The following SLC12A7 variants were observed in gnomAD, a reference collection of about 807,000 sequenced individuals.
SLC12A7 encodes the protein K-Cl cotransporter 4.
Under a neutral mutation model 120.6 loss-of-function variants are expected in SLC12A7, and 100 were observed. The observed-to-expected ratio is 0.83, with a 90% CI of 0.71 to 0.98. The LOEUF is 0.98. SLC12A7 is among the 50% of genes least tolerant of loss of function. The pLI, the probability that SLC12A7 is intolerant of heterozygous loss-of-function variation, is 0.00. For missense variants in SLC12A7, 1,373 were observed against 1,548.1 expected, an observed-to-expected ratio of 0.89 and a Z score of 1.90; for synonymous variants, 760 against 678.0, an observed-to-expected ratio of 1.12 and a Z score of -1.88.
At chr5:1,082,022 G>C (rs1739184887) in intron 8 of SLC12A7, among the ~76,000 whole-genome samples, 1 of 107,500 alleles carries the variant, frequency 9.3e-6, no homozygotes, top group South Asian at 2.6e-4. Flanking sequence ...TCGGGTTCTG[G>C]AAAGTCCAGG....
intron 9 of SLC12A7, among the ~76,000 whole-genome samples, chr5:1,081,032 A>G (rs1337271424): frequency 3.3e-5 from 5 of 150,018 alleles, no homozygotes; most frequent in Admixed American, 1.3e-4. Flanking sequence ...AGAGAGAGAG[A>G]GAGGGAGGGA....
chr5:1,108,537 G>A (rs909019699), intron 1 of SLC12A7, among the ~76,000 whole-genome samples: 31 of 152,274 alleles, frequency 2.0e-4, no homozygotes, highest in Admixed American at 9.8e-4. Context: ...TCCCATGTCC[G>A]TGTCGGGAAC....
In SLC12A7 at chr5:1,051,254, C is replaced by T. The variant is rs1353027420; in HGVS notation, c.*1106G>A. ...AGGGGACGCCCGGGACTCAGCCAGA[C>T]AGACCTGACACCAGGCGCCACTGCT... On this transcript the variant is annotated 3_prime_UTR_variant, in exon 24 of 24. Coordinates refer to ENST00000264930, the MANE Select transcript of SLC12A7 (RefSeq NM_006598.3). 1.2e-5 allele frequency: 3 copies of T among 255,456 alleles called. No individual in the cohort carries two copies. 15.8% of individuals were successfully genotyped at this position (255,456 alleles called of 1,614,324 possible). A position where few individuals can be genotyped will look rare whatever the true frequency, so the allele number is the denominator to read the frequency against.
At chr5:1,101,026 C>A (rs972604647) in intron 1 of SLC12A7, among the ~76,000 whole-genome samples, 8 of 152,156 alleles carry the variant, frequency 5.3e-5, no homozygotes, top group Non-Finnish European at 5.9e-5. Flanking sequence ...CAGCTGTGTG[C>A]GCTGCCCTCC....
At chr5:1,123,804 A>G in the SLC12A7 span, among the ~76,000 whole-genome samples, 1 of 152,250 alleles carries the variant, frequency 6.6e-6, no homozygotes, top group Admixed American at 6.5e-5. Flanking sequence ...AACTGAACCC[A>G]AATCCACCTC....
At chr5:1,074,446 G>A (rs1342137465) in intron 16 of SLC12A7, 121 bp downstream of exon 16, 17 of 896,908 alleles carry the variant, frequency 1.9e-5, no homozygotes, top group African/African-American at 6.7e-5. Flanking sequence ...TCACACCCCA[G>A]ACCTTGCCTG....
chr5:1,097,112 C>T lies in SLC12A7; in HGVS notation c.125-2864G>A, dbSNP rs941094373. Among the ~76,000 whole-genome samples, 94 of 152,174 alleles carry T rather than the reference C, an allele frequency of 6.2e-4. 3 individuals carry two copies. The highest frequency in any genetic ancestry group is 6.0e-3 in the Admixed American group (91 of 15,284). On this transcript the variant is annotated intron_variant, in intron 1 of 23. Transcript: ENST00000264930. ...GAGTGCAGCTTGGGGCTCCGCTGCC[C>T]GGCCTACATCCCTTCTGGAAAGCAC...
At chr5:1,139,592 G>A in the SLC12A7 span, among the ~76,000 whole-genome samples, 124 of 152,368 alleles carry the variant, frequency 8.1e-4, no homozygotes, top group Non-Finnish European at 1.3e-3. Flanking sequence ...TGGCCCTAGC[G>A]GGTGTGGGTG....
the SLC12A7 span, among the ~76,000 whole-genome samples, chr5:1,146,831 C>T: frequency 6.6e-6 from 1 of 152,134 alleles, no homozygotes; most frequent in South Asian, 2.1e-4. This position sits in a 1 kb window ranked among gnomAD's most constrained non-coding sequence, Gnocchi z 6.5. Flanking sequence ...TTAAATCTAC[C>T]TATGACCTGG....
chr5:1,086,534 A>G (rs750361167), intron 6 of SLC12A7, among the ~76,000 whole-genome samples: 1 of 152,218 alleles, frequency 6.6e-6, no homozygotes, highest in Non-Finnish European at 1.5e-5. Flanking sequence ...GATCAGGCAG[A>G]GAAGAGGCTG....
In SLC12A7 at chr5:1,077,978, A is replaced by G. The variant is rs1738563020; in HGVS notation, c.1484T>C (p.Val495Ala). Residue 495 changes from valine to alanine, a missense_variant, in exon 12 of 24, where the codon GTC becomes GCC. Coordinates refer to ENST00000264930, the MANE Select transcript of SLC12A7 (RefSeq NM_006598.3). ...KFGEALQGNL[V>A]IGMLAWPSPW... ...GGAGGGCCAGGCCAGCATGCCGATGACCAGGTTCCCCTGCAGGGCCTCCCC... is the reference window on the plus strand; with the variant it reads ...GGAGGGCCAGGCCAGCATGCCGATGGCCAGGTTCCCCTGCAGGGCCTCCCC... 1 of 1,587,962 alleles carries G rather than the reference A, an allele frequency of 6.3e-7. No individual in the cohort carries two copies. Among genetic ancestry groups the G allele is most frequent in the African/African-American group, 1.4e-5 (1 of 73,992 alleles).
intron 8 of SLC12A7, among the ~76,000 whole-genome samples, chr5:1,083,056 A>C (rs183259258): frequency 7.7e-6 from 1 of 130,444 alleles, no homozygotes; most frequent in Non-Finnish European, 1.6e-5. Context: ...TGGAAAGTCC[A>C]GGCTTCCCGT....
intron 2 of SLC12A7, 72 bp downstream of exon 2, chr5:1,094,082 C>G: frequency 7.6e-7 from 1 of 1,324,490 alleles, no homozygotes. Context: ...CTGGGGGCCC[C>G]CAGGGGCTCC....
chr5:1,143,354 A>G, the SLC12A7 span, among the ~76,000 whole-genome samples: 1 of 152,168 alleles, frequency 6.6e-6, no homozygotes, highest in Non-Finnish European at 1.5e-5. Flanking sequence ...GAAGTCCCAG[A>G]CCAAGGGGCT....
chr5:1,141,437 C>T, the SLC12A7 span, among the ~76,000 whole-genome samples: 5 of 151,810 alleles, frequency 3.3e-5, no homozygotes, highest in African/African-American at 7.3e-5. Flanking sequence ...CCTGCTGCCA[C>T]GGGCACCACA....
chr5:1,110,803 A>G (rs1047533951), intron 1 of SLC12A7, among the ~76,000 whole-genome samples: 3 of 151,986 alleles, frequency 2.0e-5, no homozygotes, highest in African/African-American at 7.3e-5. Flanking sequence ...GGAAGCTGAG[A>G]CCACTCTTCG....
intron 1 of SLC12A7, among the ~76,000 whole-genome samples, chr5:1,109,278 T>C (rs1448909601): frequency 6.6e-6 from 1 of 152,016 alleles, no homozygotes; most frequent in Admixed American, 6.5e-5. Flanking sequence ...GAGTCTACCC[T>C]GATGTGGTCA....
chr5:1,059,203 G>A (rs1347165736), intron 21 of SLC12A7, among the ~76,000 whole-genome samples: 1 of 152,190 alleles, frequency 6.6e-6, no homozygotes, highest in Non-Finnish European at 1.5e-5. Flanking sequence ...GACAAGCTGG[G>A]CGGCCCCCCG....
At chr5:1,064,005 C>T in intron 19 of SLC12A7, 30 bp from the exon 20 acceptor site, 1 of 1,609,484 alleles carries the variant, frequency 6.2e-7, no homozygotes, top group Non-Finnish European at 8.5e-7. Flanking sequence ...GGCTGTGGGG[C>T]CTCAGAGGAG....
Sources: gnomAD v4.1 joint callset for allele counts (sites outside exome capture counted in the v4.1 genomes callset) on GRCh38, gnomAD v4.1.1 for gene constraint, Gnocchi (gnomAD v3.1) non-coding constraint, MANE v1.5 for transcripts, NCBI Gene and HGNC (gene_info 2026-07-23, HGNC 2026-07-21) for gene names.